CSMD1: variants seen among roughly 807,000 people sequenced by gnomAD.
The protein encoded by CSMD1 is CUB and sushi domain-containing protein 1.
Under a neutral mutation model 417.5 loss-of-function variants are expected in CSMD1, and 213 were observed. The ratio of observed to expected loss-of-function variants is 0.51; its 90% CI spans 0.46 to 0.57. The LOEUF is 0.57. Among genes scored for constraint, CSMD1 ranks in the 20% least tolerant of loss-of-function variants. The pLI is 0.00. For synonymous variants in CSMD1, 2,862 were observed against 1,736.8 expected, an observed-to-expected ratio of 1.65 and a Z score of -16.11; for missense variants, 6,923 against 4,529.7, an observed-to-expected ratio of 1.53 and a Z score of -15.17.
intron 2 of CSMD1, among the ~76,000 whole-genome samples, chr8:4,465,000 G>A (rs1040988998): frequency 2.0e-5 from 3 of 152,082 alleles, no homozygotes; most frequent in African/African-American, 4.8e-5. Context: ...CCTGAACCCA[G>A]GAGCTACCTT....
At chr8:3,822,388 A>G (rs562981919) in intron 5 of CSMD1, among the ~76,000 whole-genome samples, 2 of 152,346 alleles carry the variant, frequency 1.3e-5, no homozygotes, top group African/African-American at 4.8e-5. Context: ...AAGCAGTAAA[A>G]AAGAGTCTGA....
chr8:4,031,450 C>A (rs564538180), intron 4 of CSMD1, among the ~76,000 whole-genome samples: 6 of 152,076 alleles, frequency 3.9e-5, no homozygotes, highest in Non-Finnish European at 8.8e-5. Context: ...GACTTATGTG[C>A]TATGATGAGA....
intron 3 of CSMD1, among the ~76,000 whole-genome samples, chr8:4,041,160 G>A (rs1435741705): frequency 6.6e-5 from 10 of 151,650 alleles, no homozygotes; most frequent in African/African-American, 2.2e-4. Flanking sequence ...GGGACTACAG[G>A]CGCCCGCCAC....
intron 48 of CSMD1, among the ~76,000 whole-genome samples, chr8:3,089,420 G>C (rs762428078): frequency 6.6e-6 from 1 of 152,226 alleles, no homozygotes; most frequent in African/African-American, 2.4e-5. Context: ...CAGAACCACT[G>C]TTCGCAGGCA....
intron 3 of CSMD1, among the ~76,000 whole-genome samples, chr8:4,341,431 G>A (rs1563073326): frequency 6.6e-6 from 1 of 152,100 alleles, no homozygotes; most frequent in Non-Finnish European, 1.5e-5. Flanking sequence ...AATGTTTGAA[G>A]ATAAGTTTAC....
intron 1 of CSMD1, among the ~76,000 whole-genome samples, chr8:4,836,015 G>A (rs1486865154): frequency 6.6e-6 from 1 of 152,112 alleles, no homozygotes; most frequent in Non-Finnish European, 1.5e-5. Context: ...ACTAGGATGT[G>A]AAAAATAAAT....
chr8:3,365,718 TAGTTA>T (rs1170782151), intron 20 of CSMD1, among the ~76,000 whole-genome samples: 1 of 152,214 alleles, frequency 6.6e-6, no homozygotes, highest in African/African-American at 2.4e-5. Context: ...AGGCTATTAG[TAGTTA>T]AGTTTTTGGG....
intron 3 of CSMD1, among the ~76,000 whole-genome samples, chr8:4,315,123 G>A (rs746334673): frequency 6.6e-6 from 1 of 152,128 alleles, no homozygotes. Context: ...ACCATCGCAA[G>A]AGCACCACTC....
In CSMD1 at chr8:4,171,370, C is replaced by G. The variant is rs370745230; in HGVS notation, c.416-139271G>C. Among the ~76,000 whole-genome samples, 4 of 151,840 alleles carry G rather than the reference C, an allele frequency of 2.6e-5. No homozygotes were observed. The East Asian group carries it at 5.8e-4, about 22-fold the overall frequency. ...ACTCCTTACCTTCCTTGAATTTTCTCTACAATTTCTTATGGTATTTATTGT... is the reference window on the plus strand; with the variant it reads ...ACTCCTTACCTTCCTTGAATTTTCTGTACAATTTCTTATGGTATTTATTGT... On this transcript the variant is annotated intron_variant, in intron 3 of 69. Coordinates refer to ENST00000635120, the MANE Select transcript of CSMD1 (RefSeq NM_033225.6).
chr8:3,207,825 C>A (rs933729145), intron 30 of CSMD1, among the ~76,000 whole-genome samples: 1 of 152,128 alleles, frequency 6.6e-6, no homozygotes, highest in Non-Finnish European at 1.5e-5. Context: ...TAAAACACTT[C>A]TCTAAAACAC....
intron 3 of CSMD1, among the ~76,000 whole-genome samples, chr8:4,226,836 A>G (rs1801389769): frequency 6.6e-6 from 1 of 152,256 alleles, no homozygotes. Context: ...ATGCAAATGC[A>G]AATGCATGTA....
At chr8:3,877,210 C>A (rs1008968718) in intron 5 of CSMD1, among the ~76,000 whole-genome samples, 4 of 152,130 alleles carry the variant, frequency 2.6e-5, no homozygotes, top group African/African-American at 9.7e-5. Flanking sequence ...ACACTGGGCT[C>A]AGCACCCCAC....
At chr8:4,015,919 A>G (rs1796501035) in intron 4 of CSMD1, among the ~76,000 whole-genome samples, 2 of 152,184 alleles carry the variant, frequency 1.3e-5, no homozygotes, top group South Asian at 4.1e-4. Flanking sequence ...AATGGCAACA[A>G]ACAACAAAAT....
chr8:3,334,983 C>T (rs1268417668), intron 23 of CSMD1, among the ~76,000 whole-genome samples: 3 of 152,180 alleles, frequency 2.0e-5, no homozygotes, highest in African/African-American at 7.2e-5. Context: ...TGTAATAATG[C>T]TCCCCTGAAA....
intron 6 of CSMD1, among the ~76,000 whole-genome samples, chr8:3,752,688 A>AAAAAAC (rs1797411939): frequency 3.0e-5 from 2 of 66,162 alleles, no homozygotes; most frequent in Admixed American, 1.7e-4. Context: ...AAAAAAAAAA[A>AAAAAAC]AAAAAAAAAA....
At chr8:3,993,066 G>C (rs77117597) in intron 5 of CSMD1, among the ~76,000 whole-genome samples, 65 of 152,326 alleles carry the variant, frequency 4.3e-4, no homozygotes, top group Non-Finnish European at 7.5e-4. Context: ...CAGTAGAAAA[G>C]GCAGAGGAAA....
intron 3 of CSMD1, among the ~76,000 whole-genome samples, chr8:4,260,332 G>T (rs1037462241): frequency 3.3e-5 from 5 of 151,996 alleles, no homozygotes; most frequent in Admixed American, 2.0e-4. Flanking sequence ...GTTTTTATTT[G>T]CCTGATTTCC....
intron 5 of CSMD1, among the ~76,000 whole-genome samples, chr8:3,830,016 G>A (rs891029544): frequency 6.6e-6 from 1 of 152,146 alleles, no homozygotes; most frequent in East Asian, 1.9e-4. Flanking sequence ...AACAAGGTAA[G>A]TGGATTTCAG....
At chr8:4,005,757 C>G (rs976993593) in intron 4 of CSMD1, among the ~76,000 whole-genome samples, 8 of 152,122 alleles carry the variant, frequency 5.3e-5, no homozygotes, top group African/African-American at 1.9e-4. Context: ...TTATTGTATA[C>G]AAGCAAACAT....
Sources: gnomAD v4.1 joint callset for allele counts (sites outside exome capture counted in the v4.1 genomes callset) on GRCh38, gnomAD v4.1.1 for gene constraint, MANE v1.5 for transcripts, NCBI Gene and HGNC (gene_info 2026-07-23, HGNC 2026-07-21) for gene names.